The following NRG3 variants were observed in gnomAD, a reference collection of about 807,000 sequenced individuals.
The protein encoded by NRG3 is neuregulin 3, also known as pro-neuregulin-3, membrane-bound isoform.
In NRG3, 31 loss-of-function variants were observed where a neutral mutation model predicts 66.9. The ratio of observed to expected loss-of-function variants is 0.46; its 90% CI spans 0.35 to 0.63. The LOEUF is 0.63. Ranked by LOEUF, NRG3 falls within the 20% of genes least tolerant of loss-of-function variation. The pLI is 0.00. For missense variants in NRG3, 910 were observed against 878.9 expected, an observed-to-expected ratio of 1.04 and a Z score of -0.45; for synonymous variants, 393 against 359.4, an observed-to-expected ratio of 1.09 and a Z score of -1.06.
At chr10:82,438,069 T>C (rs1590130616) in intron 2 of NRG3, among the ~76,000 whole-genome samples, 1 of 152,156 alleles carries the variant, frequency 6.6e-6, no homozygotes, top group African/African-American at 2.4e-5. Flanking sequence ...AAACACTTTG[T>C]CCTTTGGTGG....
At chr10:82,950,171 A>G (rs1267973748) in intron 4 of NRG3, among the ~76,000 whole-genome samples, 1 of 152,212 alleles carries the variant, frequency 6.6e-6, no homozygotes, top group East Asian at 1.9e-4. Context: ...CCAGTGCATT[A>G]CAATTTGAGA....
chr10:81,909,926 C>T (rs950182446), intron 1 of NRG3, among the ~76,000 whole-genome samples: 2 of 152,118 alleles, frequency 1.3e-5, no homozygotes, highest in Non-Finnish European at 2.9e-5. Flanking sequence ...CAAGGTCTGT[C>T]CTCATGTCAT....
At chr10:82,597,664 T>C (rs1452855443) in intron 2 of NRG3, among the ~76,000 whole-genome samples, 1 of 152,324 alleles carries the variant, frequency 6.6e-6, no homozygotes, top group East Asian at 1.9e-4. Context: ...TGCTCATGCC[T>C]GTAATCCCAG....
intron 3 of NRG3, among the ~76,000 whole-genome samples, chr10:82,748,035 A>T (rs1186039904): frequency 6.6e-6 from 1 of 151,084 alleles, no homozygotes; most frequent in Non-Finnish European, 1.5e-5. Context: ...TTTCTTGATG[A>T]TTTATAAATA....
At chr10:82,295,782 C>A (rs1275417764) in intron 1 of NRG3, among the ~76,000 whole-genome samples, 4 of 151,956 alleles carry the variant, frequency 2.6e-5, no homozygotes, top group Non-Finnish European at 5.9e-5. Flanking sequence ...CGTCATCTAC[C>A]AGTCAGTAGG....
At chr10:82,063,472 A>T (rs562524080) in intron 1 of NRG3, among the ~76,000 whole-genome samples, 1 of 151,652 alleles carries the variant, frequency 6.6e-6, no homozygotes, top group South Asian at 2.1e-4. Flanking sequence ...CTCTATTTGT[A>T]TAGAGACAAT....
intron 2 of NRG3, among the ~76,000 whole-genome samples, chr10:82,448,855 T>C (rs1590170510): frequency 6.6e-6 from 1 of 152,212 alleles, no homozygotes; most frequent in East Asian, 1.9e-4. Context: ...TTTATTTGTA[T>C]AACATTGACT....
rs184929612 is a variant in NRG3, at chr10:81,891,953, C to T, written c.823+15790C>T. On this transcript the variant is annotated intron_variant, in intron 1 of 8. Coordinates refer to ENST00000372141, the MANE Select transcript of NRG3 (RefSeq NM_001010848.4). The stretch of plus-strand genomic sequence containing the variant: ...TCTCTCCCTACCTCCCTTCCTCTGT[C>T]TCGCTCTGTCCACACACATATAAAC... Among the ~76,000 whole-genome samples, 12 of 152,288 alleles carry T rather than the reference C, an allele frequency of 7.9e-5. No homozygotes were observed. In the East Asian group the frequency reaches 1.9e-3, roughly 24 times the overall value.
intron 1 of NRG3, among the ~76,000 whole-genome samples, chr10:81,969,607 C>T (rs886235944): frequency 6.6e-6 from 1 of 152,194 alleles, no homozygotes; most frequent in Non-Finnish European, 1.5e-5. Context: ...TTGTAGTTGA[C>T]AAGAGTAAGT....
intron 2 of NRG3, among the ~76,000 whole-genome samples, chr10:82,468,860 A>C (rs1206589306): frequency 6.6e-6 from 1 of 152,134 alleles, no homozygotes; most frequent in Middle Eastern, 3.2e-3. Flanking sequence ...AGAGAAAGAA[A>C]GGGAAGGAGG....
intron 1 of NRG3, among the ~76,000 whole-genome samples, chr10:82,354,262 G>A (rs185612971): frequency 7.2e-5 from 11 of 151,744 alleles, no homozygotes; most frequent in African/African-American, 2.4e-4. Context: ...GCTGGTCACA[G>A]ACTCCTGGGT....
Position 82,877,537 on chromosome 10 carries a change from C to CTTTTTTTTTTTTTT in NRG3, c.1054+12110_1054+12123dup, listed in dbSNP as rs61471998. 5.3e-5 allele frequency among the ~76,000 whole-genome samples: 4 copies of CTTTTTTTTTTTTTT among 74,966 alleles called. 1 individual carries two copies. The highest frequency in any genetic ancestry group is 1.9e-4 in the Admixed American group (1 of 5,274). The allele number at this position is 74,966 out of a possible 152,430, so 49.2% of individuals were successfully genotyped here. ...TACAGGTGCCTGCCACCACACCCGG[C>CTTTTTTTTTTTTTT]TTTTTTTTTTTTTTTTTTTTTTTGG... On this transcript the variant is annotated intron_variant, in intron 4 of 8. Coordinates refer to ENST00000372141, the MANE Select transcript of NRG3 (RefSeq NM_001010848.4).
At chr10:82,256,367 C>G (rs564718589) in intron 1 of NRG3, among the ~76,000 whole-genome samples, 1 of 152,148 alleles carries the variant, frequency 6.6e-6, no homozygotes, top group Non-Finnish European at 1.5e-5. Flanking sequence ...TTTCAATGTA[C>G]GTTATTTTGA....
chr10:82,520,743 A>T (rs1469189076), intron 2 of NRG3, among the ~76,000 whole-genome samples: 1 of 152,222 alleles, frequency 6.6e-6, no homozygotes, highest in Non-Finnish European at 1.5e-5. Flanking sequence ...CTCTAGGGGA[A>T]AATTTAAAGT....
chr10:81,939,949 A>G (rs559340645), intron 1 of NRG3, among the ~76,000 whole-genome samples: 14 of 151,764 alleles, frequency 9.2e-5, no homozygotes, highest in Non-Finnish European at 1.8e-4. Context: ...GCTATATCCC[A>G]TGGATTTTGG....
At chr10:82,374,794 C>T (rs1231967996) in intron 2 of NRG3, among the ~76,000 whole-genome samples, 1 of 152,166 alleles carries the variant, frequency 6.6e-6, no homozygotes, top group African/African-American at 2.4e-5. Flanking sequence ...CTGCCACTAC[C>T]ACACACCCTC....
At chr10:82,898,109 C>A (rs1197639257) in intron 4 of NRG3, among the ~76,000 whole-genome samples, 1 of 152,116 alleles carries the variant, frequency 6.6e-6, no homozygotes, top group Admixed American at 6.5e-5. Context: ...CTAGAGCAAC[C>A]CTCAACCAAT....
At chr10:82,130,066 A>G (rs183553765) in intron 1 of NRG3, among the ~76,000 whole-genome samples, 1 of 151,842 alleles carries the variant, frequency 6.6e-6, no homozygotes, top group Admixed American at 6.6e-5. Context: ...CAATTGTTTA[A>G]TTTTTAGCTT....
At chr10:82,197,417 TC>T (rs1255734625) in intron 1 of NRG3, among the ~76,000 whole-genome samples, 2 of 152,106 alleles carry the variant, frequency 1.3e-5, no homozygotes, top group Non-Finnish European at 2.9e-5. Context: ...CACACAACTC[TC>T]CCAAACAAAA....
Sources: allele counts gnomAD v4.1 joint callset (sites outside exome capture counted in the v4.1 genomes callset), GRCh38; gene constraint gnomAD v4.1.1; transcripts MANE v1.5; gene names NCBI Gene and HGNC (gene_info 2026-07-23, HGNC 2026-07-21).